Variants in STAT1 observed in about 807,000 individuals in gnomAD.
STAT1 encodes the protein signal transducer and activator of transcription 1-alpha/beta.
In STAT1, 24 loss-of-function variants were observed where a neutral mutation model predicts 111.7. That is an observed-to-expected ratio of 0.21 (90% CI 0.16 to 0.30). The LOEUF is 0.30. STAT1 is among the 10% of genes least tolerant of loss of function. STAT1 has a pLI of 1.00. For synonymous variants in STAT1, 332 were observed against 326.5 expected, an observed-to-expected ratio of 1.02 and a Z score of -0.18; for missense variants, 351 against 911.9, an observed-to-expected ratio of 0.38 and a Z score of 7.92.
At position 191,007,907 on chromosome 2, in the gene STAT1, T is replaced by C; in HGVS notation, c.274-246A>G. 1.8e-6 allele frequency: 1 copy of C among 557,474 alleles called. No homozygotes were observed. The highest frequency in any genetic ancestry group is 1.7e-5 in the South Asian group (1 of 58,766). 34.5% of individuals were successfully genotyped at this position (557,474 alleles called of 1,614,324 possible). On this transcript the variant is annotated intron_variant, in intron 4 of 24. Coordinates refer to ENST00000361099, the MANE Select transcript of STAT1 (RefSeq NM_007315.4). The surrounding 1 kb of genome is among the most constrained non-coding windows in gnomAD (Gnocchi z 4.2). ...TGATTTAAAAACAAGTATTTTCACA[T>C]ATGGTTCACATAATATTTTTACTTT...
intron 2 of STAT1, among the ~76,000 whole-genome samples, chr2:191,011,467 A>T (rs1034021835): frequency 6.6e-6 from 1 of 152,100 alleles, no homozygotes; most frequent in Non-Finnish European, 1.5e-5. Context: ...TCCAGGTTGG[A>T]GCGCAGTGGC....
Position 190,980,714 on chromosome 2 carries a change from C to T in STAT1, c.1583-45G>A. On this transcript the variant is annotated intron_variant, in intron 18 of 24. Coordinates refer to ENST00000361099, the MANE Select transcript of STAT1 (RefSeq NM_007315.4). This position sits in a 1 kb window ranked among gnomAD's most constrained non-coding sequence, Gnocchi z 6.1. ...ATTTTTCAGCAAACAGAAACTGATT[C>T]TAAAGCTTTGGTTGGACGGATGGCT... is the stretch of plus-strand genomic sequence containing the variant. The T allele has an allele frequency of 6.3e-7, 1 of 1,597,810 alleles. No individual in the cohort carries two copies. The highest frequency in any genetic ancestry group is 8.6e-7 in the Non-Finnish European group (1 of 1,165,318).
intron 10 of STAT1, chr2:190,992,992 G>A (rs536768490): frequency 7.8e-6 from 2 of 257,656 alleles, no homozygotes; most frequent in Non-Finnish European, 1.5e-5. Flanking sequence ...GTTTCATCAT[G>A]TTGGCCAGGC....
Position 190,995,359 on chromosome 2 carries a change from A to T in STAT1, c.786-140T>A. On this transcript the variant is annotated intron_variant, in intron 9 of 24. Coordinates refer to ENST00000361099, the MANE Select transcript of STAT1 (RefSeq NM_007315.4). The surrounding 1 kb of genome is among the most constrained non-coding windows in gnomAD (Gnocchi z 4.2). ...AGACTGGAGAATTTATAAAGGAAAG[A>T]GGTTTAATTGACACATAGTTCCACA... 1.1e-6 allele frequency: 1 copy of T among 923,380 alleles called. No homozygotes were observed. Among genetic ancestry groups the T allele is most frequent in the Non-Finnish European group, 1.7e-6 (1 of 581,996 alleles). 57.2% of individuals were successfully genotyped at this position (923,380 alleles called of 1,614,324 possible).
Position 191,000,979 on chromosome 2 carries a change from G to T in STAT1, c.462+95C>A. On this transcript the variant is annotated intron_variant, in intron 6 of 24. Coordinates refer to ENST00000361099, the MANE Select transcript of STAT1 (RefSeq NM_007315.4). This position sits in a 1 kb window ranked among gnomAD's most constrained non-coding sequence, Gnocchi z 4.8. Reference sequence around the variant, plus strand: ...TTTCTTCCCAACTACTTAAAAGACTGAACTCAGTTACGAGGTTTACACCCC... The same window carrying T: ...TTTCTTCCCAACTACTTAAAAGACTTAACTCAGTTACGAGGTTTACACCCC... 9.5e-7 allele frequency: 1 copy of T among 1,054,428 alleles called. No homozygotes were observed. Among genetic ancestry groups the T allele is most frequent in the Non-Finnish European group, 1.5e-6 (1 of 677,000 alleles). 65.3% of individuals were successfully genotyped at this position (1,054,428 alleles called of 1,614,324 possible). A position where few individuals can be genotyped will look rare whatever the true frequency, so the allele number is the denominator to read the frequency against.
Position 190,987,274 on chromosome 2 carries a change from C to T in STAT1, c.1098-206G>A, listed in dbSNP as rs537304957. Reference sequence around the variant, plus strand: ...GCAAGTATCACTGAATGACCTTTGGCAAATAAATGGTCTGGGCCTTACATT... The same window carrying T: ...GCAAGTATCACTGAATGACCTTTGGTAAATAAATGGTCTGGGCCTTACATT... On this transcript the variant is annotated intron_variant, in intron 12 of 24. Transcript: ENST00000361099. This position sits in a 1 kb window ranked among gnomAD's most constrained non-coding sequence, Gnocchi z 4.0. 6.6e-5 allele frequency among the ~76,000 whole-genome samples: 10 copies of T among 152,292 alleles called. No homozygotes were observed. The highest frequency in any genetic ancestry group is 1.9e-4 in the African/African-American group (8 of 41,558).
intron 2 of STAT1, chr2:191,010,313 C>T: frequency 2.1e-6 from 1 of 480,486 alleles, no homozygotes; most frequent in South Asian, 1.6e-5. Flanking sequence ...AACATGCTCT[C>T]TCTTTTCCCT....
chr2:190,992,642 GC>G, intron 10 of STAT1: 1 of 1,192,906 alleles, frequency 8.4e-7, no homozygotes, highest in Non-Finnish European at 1.1e-6. Flanking sequence ...GCAAATTTTA[GC>G]AGGAACCTCC....
At chr2:190,992,951 G>A (rs1430856489) in intron 10 of STAT1, 3 of 248,784 alleles carry the variant, frequency 1.2e-5, no homozygotes, top group South Asian at 5.5e-5. Context: ...CACCATGCCT[G>A]GCTAATTTTT....
intron 14 of STAT1, 143 bp from the exon 15 acceptor site, chr2:190,985,803 G>A: frequency 1.1e-6 from 1 of 922,648 alleles, no homozygotes; most frequent in South Asian, 1.4e-5. Flanking sequence ...GGACAAATTG[G>A]CCCTCGTTCA....
chr2:191,013,687 A>G lies in STAT1; in HGVS notation c.-155-9T>C. On this transcript the variant is annotated splice_polypyrimidine_tract_variant and intron_variant, in intron 1 of 24. Transcript: ENST00000361099. The stretch of plus-strand genomic sequence containing the variant: ...ACAGCAAATGAAACTTTCTGCGAAA[A>G]GAAGAAAACGTGACTGATGGAAAGG... The G allele has an allele frequency of 2.5e-6, 1 of 398,788 alleles. No individual in the cohort carries two copies. The highest frequency in any genetic ancestry group is 4.4e-6 in the Non-Finnish European group (1 of 226,126). The allele number at this position is 398,788 out of a possible 1,614,324, so 24.7% of individuals were successfully genotyped here.
rs1437579105 is a variant in STAT1, at chr2:190,976,673, G to A, written c.2059+167C>T. 1.3e-5 allele frequency among the ~76,000 whole-genome samples: 2 copies of A among 152,174 alleles called. No individual in the cohort carries two copies. The highest frequency in any genetic ancestry group is 1.9e-4 in the East Asian group (1 of 5,200). ...CATTCATTTCTTACTAGCTGTATCAGGCCAAATAATGCATTATGTTTCACC... is the reference window on the plus strand; with the variant it reads ...CATTCATTTCTTACTAGCTGTATCAAGCCAAATAATGCATTATGTTTCACC... On this transcript the variant is annotated intron_variant, in intron 22 of 24. Transcript: ENST00000361099. The surrounding 1 kb of genome is among the most constrained non-coding windows in gnomAD (Gnocchi z 6.0).
At position 190,995,007 on chromosome 2, in the gene STAT1, G is replaced by A. The variant is rs924495853; in HGVS notation, c.944+54C>T. On this transcript the variant is annotated intron_variant, in intron 10 of 24. Transcript: ENST00000361099. This position sits in a 1 kb window ranked among gnomAD's most constrained non-coding sequence, Gnocchi z 4.2. ...AAATCATCTGAATTAACGGTAAAAT[G>A]TTCCTCTGTATAGACCGATTACAGA... is the stretch of plus-strand genomic sequence containing the variant. 203 of 1,515,562 alleles carry A rather than the reference G, an allele frequency of 1.3e-4. No individual in the cohort carries two copies. The Middle Eastern group carries it at 1.6e-3, about 12-fold the overall frequency. The allele number at this position is 1,515,562 out of a possible 1,614,324, so 93.9% of individuals were successfully genotyped here. A position where few individuals can be genotyped will look rare whatever the true frequency, so the allele number is the denominator to read the frequency against.
rs1407758290 is a variant in STAT1, at chr2:191,003,963, A to G, written c.373-2800T>C. Among the ~76,000 whole-genome samples the G allele has an allele frequency of 1.3e-5, 2 of 152,224 alleles. No homozygotes were observed. The highest frequency in any genetic ancestry group is 2.9e-5 in the Non-Finnish European group (2 of 68,038). Reference sequence around the variant, plus strand: ...GGGATATAAACAATGGCTGTAAAACAGCAGCTACATCCCCAGCTTCTACAT... The same window carrying G: ...GGGATATAAACAATGGCTGTAAAACGGCAGCTACATCCCCAGCTTCTACAT... On this transcript the variant is annotated intron_variant, in intron 5 of 24. Coordinates refer to ENST00000361099, the MANE Select transcript of STAT1 (RefSeq NM_007315.4). The surrounding 1 kb of genome is among the most constrained non-coding windows in gnomAD (Gnocchi z 4.0).
In STAT1 at chr2:190,997,898, A is replaced by T. The variant is rs779371351; in HGVS notation, c.743T>A (p.Ile248Asn). 15 of 1,614,194 alleles carry T rather than the reference A, an allele frequency of 9.3e-6. No homozygotes were observed. In the South Asian group the frequency reaches 1.6e-4, roughly 18 times the overall value. ...CAAGCAAGCATTGGGCGGCCCCCCA[A>T]TACAGGCGCTCTGCTGTCTCCGCTT... ...EWKRRQQSAC[I>N]GGPPNACLDQ... The change falls in exon 9 of 25, where the codon ATT (isoleucine) becomes AAT (asparagine). Residue 248 changes from isoleucine (I) to asparagine (N), a missense_variant. Transcript: ENST00000361099. The surrounding 1 kb of genome is among the most constrained non-coding windows in gnomAD (Gnocchi z 7.3).
At position 190,973,655 on chromosome 2, in the gene STAT1, C is replaced by G. The variant is rs1361274566; in HGVS notation, c.2238+1175G>C. 6.6e-6 allele frequency among the ~76,000 whole-genome samples: 1 copy of G among 152,182 alleles called. No individual in the cohort carries two copies. The highest frequency in any genetic ancestry group is 6.5e-5 in the Admixed American group (1 of 15,286). On this transcript the variant is annotated intron_variant, in intron 24 of 24. Coordinates refer to ENST00000361099, the MANE Select transcript of STAT1 (RefSeq NM_007315.4). This position sits in a 1 kb window ranked among gnomAD's most constrained non-coding sequence, Gnocchi z 4.4. ...CTATAGCAGTGTTGGGAGCGAAACTCTAGCAGGATCCTTCTTACATGCAGA... is the reference window on the plus strand; with the variant it reads ...CTATAGCAGTGTTGGGAGCGAAACTGTAGCAGGATCCTTCTTACATGCAGA...
rs1273450679 is a variant in STAT1, at chr2:190,996,584, G to A, written c.785+1272C>T. On this transcript the variant is annotated intron_variant, in intron 9 of 24. Transcript: ENST00000361099. This position sits in a 1 kb window ranked among gnomAD's most constrained non-coding sequence, Gnocchi z 4.5. The stretch of plus-strand genomic sequence containing the variant: ...CCAGGGCCTCCCTGGCCACCTGAAG[G>A]GCTTTAGGGTTGTATGTATCCCTCA... 6.6e-6 allele frequency among the ~76,000 whole-genome samples: 1 copy of A among 152,192 alleles called. No homozygotes were observed. Among genetic ancestry groups the A allele is most frequent in the Non-Finnish European group, 1.5e-5 (1 of 68,022 alleles).
Position 190,993,389 on chromosome 2 carries a change from A to T in STAT1, c.944+1672T>A. 1 of 1,362,682 alleles carries T rather than the reference A, an allele frequency of 7.3e-7. No individual in the cohort carries two copies. The allele number at this position is 1,362,682 out of a possible 1,614,324, so 84.4% of individuals were successfully genotyped here. On this transcript the variant is annotated intron_variant, in intron 10 of 24. Coordinates refer to ENST00000361099, the MANE Select transcript of STAT1 (RefSeq NM_007315.4). This position sits in a 1 kb window ranked among gnomAD's most constrained non-coding sequence, Gnocchi z 4.1. ...TGCTGTGTTCCATATTTGAAGCTTG[A>T]TTGTTTTCCCGTCTAACTCTATAGT...
At position 191,002,140 on chromosome 2, in the gene STAT1, T is replaced by C. The variant is rs189708105; in HGVS notation, c.373-977A>G. ...TCCCTAGCACTTGCAAGGTTTCCTTTTTTTCTTTTTAACTTTTAGATCGCT... is the reference window on the plus strand; with the variant it reads ...TCCCTAGCACTTGCAAGGTTTCCTTCTTTTCTTTTTAACTTTTAGATCGCT... On this transcript the variant is annotated intron_variant, in intron 5 of 24. Coordinates refer to ENST00000361099, the MANE Select transcript of STAT1 (RefSeq NM_007315.4). 2.9e-3 allele frequency among the ~76,000 whole-genome samples: 445 copies of C among 152,318 alleles called. 1 individual carries two copies. Among genetic ancestry groups the C allele is most frequent in the African/African-American group, 9.7e-3 (403 of 41,564 alleles).
Sources: gnomAD v4.1 joint callset for allele counts (sites outside exome capture counted in the v4.1 genomes callset) on GRCh38, gnomAD v4.1.1 for gene constraint, Gnocchi (gnomAD v3.1) non-coding constraint, MANE v1.5 for transcripts, NCBI Gene and HGNC (gene_info 2026-07-23, HGNC 2026-07-21) for gene names.